The following ABL1 variants were observed in gnomAD, a reference collection of about 807,000 sequenced individuals.
ABL1 encodes ABL proto-oncogene 1, non-receptor tyrosine kinase, also known as tyrosine-protein kinase ABL1.
ABL1 carries 11 observed loss-of-function variants against 94.7 expected under a neutral mutation model. The observed-to-expected ratio is 0.12, with a 90% CI of 0.07 to 0.19. The LOEUF is 0.19. Among genes scored for constraint, ABL1 ranks in the 10% least tolerant of loss-of-function variants. The probability of loss-of-function intolerance (pLI) is 1.00; values close to 1 mark genes in which losing one functional copy is unlikely to be tolerated. For synonymous variants in ABL1, 656 were observed against 622.4 expected (o/e 1.05, Z -0.80); for missense variants, 1,082 against 1,489.4 (o/e 0.73, Z 4.50).
chr9:130,874,380 C>T (rs925864978), intron 6 of ABL1, among the ~76,000 whole-genome samples: 3 of 152,180 alleles, frequency 2.0e-5, no homozygotes, highest in African/African-American at 7.2e-5. Context: ...TATTTTGTCC[C>T]ATCAAGTCTG....
intron 1 of ABL1, among the ~76,000 whole-genome samples, chr9:130,721,825 T>TG (rs1359087411): frequency 2.0e-4 from 30 of 148,408 alleles, no homozygotes; most frequent in Admixed American, 4.7e-4. Context: ...TTTTTTTGTT[T>TG]TTTTTTTTTT....
intron 1 of ABL1, among the ~76,000 whole-genome samples, chr9:130,747,333 G>A (rs1644906347): frequency 6.6e-6 from 1 of 151,902 alleles, no homozygotes; most frequent in Non-Finnish European, 1.5e-5. Context: ...AGCCAAGATT[G>A]CACCACTGTG....
chr9:130,839,494 T>C (rs1295494371), intron 1 of ABL1, among the ~76,000 whole-genome samples: 1 of 152,192 alleles, frequency 6.6e-6, no homozygotes, highest in Non-Finnish European at 1.5e-5. Context: ...TTGTTGACCA[T>C]TTACAATGTC....
intron 1 of ABL1, among the ~76,000 whole-genome samples, chr9:130,798,960 C>T (rs1424994666): frequency 3.3e-5 from 3 of 90,878 alleles, no homozygotes; most frequent in Non-Finnish European, 6.2e-5. Context: ...GGCAGAGACT[C>T]CGTCTCAAAA....
In ABL1 at chr9:130,806,264, A is replaced by G. The variant is rs187235266; in HGVS notation, c.137-47800A>G. ...CCATTTGCTTAACAGATATACAAAC[A>G]TGGATCAGATATAATTTCAACCCAC... On this transcript the variant is annotated intron_variant, in intron 1 of 10. Transcript: ENST00000372348. Among the ~76,000 whole-genome samples the G allele has an allele frequency of 2.6e-3, 398 of 152,324 alleles. 2 individuals are homozygous for G. The highest frequency in any genetic ancestry group is 4.1e-3 in the Non-Finnish European group (276 of 68,026).
At chr9:130,730,284 C>T (rs537340872) in intron 1 of ABL1, among the ~76,000 whole-genome samples, 1 of 152,012 alleles carries the variant, frequency 6.6e-6, no homozygotes, top group Middle Eastern at 3.4e-3. Flanking sequence ...TCAGGTGATC[C>T]GCCCACCTCG....
chr9:130,822,000 G>A lies in ABL1; in HGVS notation c.137-32064G>A, dbSNP rs558144059. ...ACTACAGGCACCCACCACCACCCCC[G>A]GCTAATTTTTTGTATTTTTAGTAGA... On this transcript the variant is annotated intron_variant, in intron 1 of 10. Transcript: ENST00000372348. 5.9e-4 allele frequency among the ~76,000 whole-genome samples: 89 copies of A among 152,050 alleles called. No individual in the cohort carries two copies. The Middle Eastern group carries it at 0.021, about 35-fold the overall frequency.
chr9:130,759,572 C>T (rs1275388895), intron 1 of ABL1, among the ~76,000 whole-genome samples: 2 of 152,176 alleles, frequency 1.3e-5, no homozygotes, highest in African/African-American at 2.4e-5. Context: ...GAGAAATGCC[C>T]ATTAAAATAA....
chr9:130,859,947 G>A (rs12349354), intron 3 of ABL1, among the ~76,000 whole-genome samples: 6 of 152,032 alleles, frequency 3.9e-5, no homozygotes, highest in Non-Finnish European at 7.4e-5. Flanking sequence ...CCAAAGTGCT[G>A]GGATTACAGG....
intron 1 of ABL1, among the ~76,000 whole-genome samples, chr9:130,753,974 G>A (rs2132734134): frequency 6.6e-6 from 1 of 151,908 alleles, no homozygotes; most frequent in South Asian, 2.1e-4. Flanking sequence ...GGGAGGCTGA[G>A]GCGGGTGTAT....
intron 1 of ABL1, among the ~76,000 whole-genome samples, chr9:130,767,975 A>G (rs1406109610): frequency 1.3e-5 from 2 of 152,236 alleles, no homozygotes; most frequent in Non-Finnish European, 2.9e-5. Flanking sequence ...AGTGGAACCT[A>G]TGGATTTAAA....
At chr9:130,866,007 G>A (rs1471065843) in intron 4 of ABL1, among the ~76,000 whole-genome samples, 2 of 152,140 alleles carry the variant, frequency 1.3e-5, no homozygotes, top group African/African-American at 2.4e-5. Flanking sequence ...AATGCATACT[G>A]GAACATTTCA....
At chr9:130,738,346 G>A (rs566662365) in intron 1 of ABL1, among the ~76,000 whole-genome samples, 54 of 152,210 alleles carry the variant, frequency 3.5e-4, no homozygotes, top group African/African-American at 1.3e-3. Context: ...GGCAGTAGTC[G>A]AATAACTTTT....
intron 1 of ABL1, among the ~76,000 whole-genome samples, chr9:130,819,557 G>A (rs1024978781): frequency 2.0e-5 from 2 of 100,968 alleles, no homozygotes. Context: ...TTTTTTTTTG[G>A]AGACGGAGCC....
At chr9:130,853,170 CTT>C (rs11418318) in intron 1 of ABL1, among the ~76,000 whole-genome samples, 5 of 75,336 alleles carry the variant, frequency 6.6e-5, no homozygotes, top group African/African-American at 2.2e-4. Flanking sequence ...TTTGACTTTT[CTT>C]TTTTTTTTTT....
intron 1 of ABL1, among the ~76,000 whole-genome samples, chr9:130,724,074 T>C (rs1484705795): frequency 2.0e-5 from 3 of 152,118 alleles, no homozygotes; most frequent in South Asian, 4.1e-4. Flanking sequence ...CCTTCCAAAG[T>C]GCTGGGATTA....
chr9:130,774,857 A>G (rs936226606), intron 1 of ABL1, among the ~76,000 whole-genome samples: 4 of 151,844 alleles, frequency 2.6e-5, no homozygotes, highest in Admixed American at 1.3e-4. Flanking sequence ...AGAAAGAAAG[A>G]AAGGAAGTTA....
chr9:130,848,315 AC>A (rs1830804375), intron 1 of ABL1, among the ~76,000 whole-genome samples: 1 of 149,902 alleles, frequency 6.7e-6, no homozygotes, highest in South Asian at 2.1e-4. Context: ...AGCCTGGCCA[AC>A]ATGGCAAAAC....
chr9:130,871,570 C>G (rs35011138), intron 4 of ABL1, among the ~76,000 whole-genome samples: 174 of 152,302 alleles, frequency 1.1e-3, no homozygotes, highest in Admixed American at 0.011. Context: ...CATTAAGAGC[C>G]CACGACCACG....
Sources: gnomAD v4.1 joint callset for allele counts (sites outside exome capture counted in the v4.1 genomes callset) on GRCh38, gnomAD v4.1.1 for gene constraint, MANE v1.5 for transcripts, NCBI Gene and HGNC (gene_info 2026-07-23, HGNC 2026-07-21) for gene names.